Variants in ELMOD2 observed in about 807,000 individuals in gnomAD.
The protein encoded by ELMOD2 is ELMO domain-containing protein 2.
In ELMOD2, 28 loss-of-function variants were observed where a neutral mutation model predicts 41.0. The observed-to-expected ratio is 0.68, with a 90% CI of 0.51 to 0.94. The LOEUF (loss-of-function observed/expected upper bound fraction) is 0.94, where lower values mean the gene tolerates loss of function less well. Among genes scored for constraint, ELMOD2 ranks in the 40% least tolerant of loss-of-function variants. ELMOD2 has a pLI of 0.00. For synonymous variants in ELMOD2, 106 were observed against 107.2 expected (o/e 0.99, Z 0.07); for missense variants, 333 against 343.1 (o/e 0.97, Z 0.23).
At chr4:140,547,923 A>C (rs554372097) in intron 8 of ELMOD2, among the ~76,000 whole-genome samples, 40 of 152,298 alleles carry the variant, frequency 2.6e-4, no homozygotes, top group Non-Finnish European at 4.0e-4. Context: ...AAACTTTGGG[A>C]TTCTTATGCC....
At position 140,535,784 on chromosome 4, in the gene ELMOD2, G is replaced by C; in HGVS notation, c.223G>C (p.Asp75His). ...TCAGAGTGAAGTGGACAAATATGTA[G>C]ATGATATTATGAAGGAAAAGAATAT... The part of the protein sequence containing the change: ...VVQSEVDKYV[D>H]DIMKEKNINP... The change falls in exon 4 of 9, where the codon GAT becomes CAT. Residue 75 changes from aspartate to histidine, a missense_variant. Asp to His is a moderately conservative substitution (Grantham distance 81). Coordinates refer to ENST00000323570, the MANE Select transcript of ELMOD2 (RefSeq NM_153702.4). 6.2e-7 allele frequency: 1 copy of C among 1,611,214 alleles called. No homozygotes were observed. Among genetic ancestry groups the C allele is most frequent in the South Asian group, 1.1e-5 (1 of 90,130 alleles).
intron 1 of ELMOD2, 28 bp from the exon 2 acceptor site, chr4:140,525,392 G>C (rs1734526742): frequency 6.2e-7 from 1 of 1,602,820 alleles, no homozygotes; most frequent in African/African-American, 1.4e-5. Flanking sequence ...AGGTCATTAA[G>C]CTTGTCTTGT....
chr4:140,541,513 G>A (rs1290975267), intron 6 of ELMOD2, among the ~76,000 whole-genome samples: 4 of 152,112 alleles, frequency 2.6e-5, no homozygotes, highest in Non-Finnish European at 5.9e-5. Flanking sequence ...TCAACTGAGG[G>A]CATTTTAGAG....
At position 140,538,385 on chromosome 4, in the gene ELMOD2, ACTAT is replaced by A. The variant is rs1352956402; in HGVS notation, c.399+848_399+851del. On this transcript the variant is annotated intron_variant, in intron 5 of 8. Coordinates refer to ENST00000323570, the MANE Select transcript of ELMOD2 (RefSeq NM_153702.4). ...AAAGTACTGTGGAAACAACATTGAT[ACTAT>A]CTAAATAACACTAAGCGATACAAGT... Among the ~76,000 whole-genome samples, 16 of 152,354 alleles carry A rather than the reference ACTAT, an allele frequency of 1.1e-4. No homozygotes were observed. In the East Asian group the frequency reaches 2.9e-3, roughly 28 times the overall value.
At chr4:140,541,096 T>C (rs1454091512) in intron 6 of ELMOD2, among the ~76,000 whole-genome samples, 2 of 152,228 alleles carry the variant, frequency 1.3e-5, no homozygotes, top group Non-Finnish European at 2.9e-5. Context: ...TCCCCAAATA[T>C]GTAAGTGAAG....
chr4:140,546,415 A>C (rs112294890), intron 8 of ELMOD2, among the ~76,000 whole-genome samples: 13,023 of 151,960 alleles, frequency 0.086, 560 homozygotes, highest in South Asian at 0.11. Flanking sequence ...CAGCACACCA[A>C]CATGGCACAT....
intron 8 of ELMOD2, among the ~76,000 whole-genome samples, chr4:140,549,830 C>T (rs1161503434): frequency 4.6e-5 from 7 of 151,366 alleles, no homozygotes; most frequent in African/African-American, 7.3e-5. Flanking sequence ...GGACAATAGG[C>T]GCATGCCACC....
At chr4:140,528,917 A>T (rs992645917) in intron 3 of ELMOD2, among the ~76,000 whole-genome samples, 1 of 152,192 alleles carries the variant, frequency 6.6e-6, no homozygotes, top group Non-Finnish European at 1.5e-5. Flanking sequence ...GGTTCTCAAA[A>T]TTTATTTATA....
At chr4:140,537,389 A>T in intron 4 of ELMOD2, 23 bp from the exon 5 acceptor site, 1 of 1,475,972 alleles carries the variant, frequency 6.8e-7, no homozygotes, top group Middle Eastern at 1.7e-4. Context: ...TATGCTTTTT[A>T]AAAATAATTT....
chr4:140,552,229 T>A lies in ELMOD2; in HGVS notation c.*1854T>A, dbSNP rs1312924901. 1 of 152,062 alleles carries A rather than the reference T, an allele frequency of 6.6e-6. No individual in the cohort carries two copies. The highest frequency in any genetic ancestry group is 1.5e-5 in the Non-Finnish European group (1 of 67,924). The allele number at this position is 152,062 out of a possible 1,614,324, so 9.4% of individuals were successfully genotyped here. A position where few individuals can be genotyped will look rare whatever the true frequency, so the allele number is the denominator to read the frequency against. The stretch of plus-strand genomic sequence containing the variant: ...GAGAGCTTGAACTGATTTAAACATT[T>A]GTCAATATACTTAAGAATGCTTTAA... On this transcript the variant is annotated 3_prime_UTR_variant, in exon 9 of 9. Transcript: ENST00000323570.
intron 8 of ELMOD2, among the ~76,000 whole-genome samples, chr4:140,544,022 G>A (rs551430909): frequency 3.9e-5 from 6 of 152,208 alleles, no homozygotes; most frequent in South Asian, 2.1e-4. Flanking sequence ...AAATTTTCTT[G>A]TGGTAGGTTA....
intron 3 of ELMOD2, among the ~76,000 whole-genome samples, chr4:140,529,281 G>T (rs750379908): frequency 6.6e-6 from 1 of 152,174 alleles, no homozygotes; most frequent in Non-Finnish European, 1.5e-5. Flanking sequence ...ACTTTGTTTC[G>T]ATAGGAAACT....
Position 140,548,172 on chromosome 4 carries a change from G to GA in ELMOD2, c.737-2053dup, listed in dbSNP as rs1292072110. ...AATGGGCCACATTACTGACAGTAAT[G>GA]AAAAAGCAATTTAAAGGACATAAGA... is the stretch of plus-strand genomic sequence containing the variant. On this transcript the variant is annotated intron_variant, in intron 8 of 8. Coordinates refer to ENST00000323570, the MANE Select transcript of ELMOD2 (RefSeq NM_153702.4). Among the ~76,000 whole-genome samples, 3 of 152,174 alleles carry GA rather than the reference G, an allele frequency of 2.0e-5. No individual in the cohort carries two copies. In the East Asian group the frequency reaches 5.8e-4, roughly 29 times the overall value.
intron 8 of ELMOD2, among the ~76,000 whole-genome samples, chr4:140,549,175 T>C (rs1283511520): frequency 6.6e-6 from 1 of 152,230 alleles, no homozygotes; most frequent in Non-Finnish European, 1.5e-5. Flanking sequence ...CTGGTTTCTT[T>C]CTGCATAATT....
intron 2 of ELMOD2, 66 bp downstream of exon 2, chr4:140,525,636 A>T: frequency 3.3e-6 from 5 of 1,505,684 alleles, no homozygotes; most frequent in Non-Finnish European, 4.4e-6. Context: ...CAGGACTCAC[A>T]GTGACAGATG....
intron 8 of ELMOD2, among the ~76,000 whole-genome samples, chr4:140,544,362 A>G (rs948981141): frequency 6.6e-6 from 1 of 152,004 alleles, no homozygotes; most frequent in Non-Finnish European, 1.5e-5. Flanking sequence ...CCCTAATTCC[A>G]GTTTTGTCTG....
At chr4:140,529,623 C>T (rs777313002) in intron 3 of ELMOD2, among the ~76,000 whole-genome samples, 16 of 152,212 alleles carry the variant, frequency 1.1e-4, no homozygotes, top group Non-Finnish European at 1.8e-4. Context: ...TGGTCATCAC[C>T]ACTATGCTGC....
intron 8 of ELMOD2, among the ~76,000 whole-genome samples, chr4:140,544,850 G>T (rs762886565): frequency 1.8e-4 from 27 of 152,068 alleles, no homozygotes; most frequent in Non-Finnish European, 3.2e-4. Flanking sequence ...CTCTTCTCTG[G>T]GAAGTTTATT....
At chr4:140,539,289 A>G (rs1191214312) in intron 5 of ELMOD2, among the ~76,000 whole-genome samples, 2 of 151,584 alleles carry the variant, frequency 1.3e-5, no homozygotes. Flanking sequence ...GTGGTATTGA[A>G]TTTAAACAAT....
Sources: allele counts gnomAD v4.1 joint callset (sites outside exome capture counted in the v4.1 genomes callset), GRCh38; gene constraint gnomAD v4.1.1; transcripts MANE v1.5; gene names NCBI Gene and HGNC (gene_info 2026-07-23, HGNC 2026-07-21).